ANK3: variants seen among roughly 807,000 people sequenced by gnomAD.
ANK3 encodes ankyrin-3.
Under a neutral mutation model 370.9 loss-of-function variants are expected in ANK3, and 57 were observed. The ratio of observed to expected loss-of-function variants is 0.15; its 90% confidence interval spans 0.12 to 0.19. ANK3 has a LOEUF of 0.19. ANK3 is among the 10% of genes least tolerant of loss of function. The pLI, the probability that ANK3 is intolerant of heterozygous loss-of-function variation, is 1.00. For synonymous variants in ANK3, 1,929 were observed against 1,946.3 expected (o/e 0.99, Z 0.23); for missense variants, 4,439 against 5,302.1 (o/e 0.84, Z 5.06).
At chr10:60,316,208 T>C (rs1265027137) in intron 1 of ANK3, among the ~76,000 whole-genome samples, 3 of 152,178 alleles carry the variant, frequency 2.0e-5, no homozygotes, top group African/African-American at 7.2e-5. Flanking sequence ...AGGCAGGCTC[T>C]GGGGCAGCCT....
chr10:60,275,608 C>G (rs942791244), intron 4 of ANK3, among the ~76,000 whole-genome samples: 3 of 152,106 alleles, frequency 2.0e-5, no homozygotes, highest in African/African-American at 7.2e-5. Flanking sequence ...GAGGCTCAAT[C>G]TGAACCATAA....
At chr10:60,539,918 A>G (rs1381962195) in intron 2 of ANK3, among the ~76,000 whole-genome samples, 1 of 152,020 alleles carries the variant, frequency 6.6e-6, no homozygotes, top group Non-Finnish European at 1.5e-5. Flanking sequence ...AGAAAAAAAC[A>G]AACAACAAAG....
chr10:60,573,349 C>T (rs1018322760), intron 2 of ANK3, among the ~76,000 whole-genome samples: 9 of 152,044 alleles, frequency 5.9e-5, no homozygotes, highest in Non-Finnish European at 7.4e-5. Flanking sequence ...CATTGGTTTC[C>T]TTCCATGAAT....
intron 2 of ANK3, among the ~76,000 whole-genome samples, chr10:60,453,468 T>C (rs906242769): frequency 2.0e-4 from 30 of 152,334 alleles, no homozygotes; most frequent in African/African-American, 7.2e-4. Flanking sequence ...AAAATTAAAA[T>C]GTGTCCCAAA....
At chr10:60,721,322 G>A (rs548801145) in intron 1 of ANK3, among the ~76,000 whole-genome samples, 2 of 152,248 alleles carry the variant, frequency 1.3e-5, no homozygotes, top group South Asian at 4.1e-4. Context: ...GCAGAGAGAA[G>A]ACTTGTATGT....
At chr10:60,557,868 A>G (rs2077245934) in intron 2 of ANK3, among the ~76,000 whole-genome samples, 1 of 152,208 alleles carries the variant, frequency 6.6e-6, no homozygotes, top group African/African-American at 2.4e-5. Context: ...CATTGTTGTT[A>G]TTAAATATAA....
At chr10:60,032,886 A>T (rs75315524) in intron 43 of ANK3, among the ~76,000 whole-genome samples, 11,057 of 152,264 alleles carry the variant, frequency 0.073, 608 homozygotes, top group Non-Finnish European at 0.11. Context: ...ATGTTGCATA[A>T]AAAGCATGAG....
At chr10:60,051,349 A>G (rs2131895839) in intron 42 of ANK3, 1 of 314,664 alleles carries the variant, frequency 3.2e-6, no homozygotes, top group Middle Eastern at 1.6e-3. Context: ...CAAAAAAATT[A>G]CACAAAGCCA....
intron 1 of ANK3, among the ~76,000 whole-genome samples, chr10:60,284,069 T>A (rs2098206369): frequency 6.6e-6 from 1 of 152,050 alleles, no homozygotes; most frequent in African/African-American, 2.4e-5. Flanking sequence ...CACACGGGAT[T>A]AGAATGGGCC....
chr10:60,430,605 A>C (rs187578220), intron 2 of ANK3, among the ~76,000 whole-genome samples: 1 of 152,306 alleles, frequency 6.6e-6, no homozygotes, highest in African/African-American at 2.4e-5. Flanking sequence ...TGTCCCAGGC[A>C]ATCGATGGGT....
chr10:60,226,010 A>G (rs2097133516), intron 8 of ANK3, among the ~76,000 whole-genome samples: 1 of 145,264 alleles, frequency 6.9e-6, no homozygotes, highest in South Asian at 2.1e-4. Flanking sequence ...ATAATGTAAT[A>G]AGATAATTGT....
chr10:60,615,051 C>G, intron 2 of ANK3: 1 of 569,064 alleles, frequency 1.8e-6, no homozygotes, highest in East Asian at 3.4e-5. Context: ...AAAATAACAA[C>G]AACAACAACA....
chr10:60,059,526 T>G, intron 40 of ANK3, 96 bp from the exon 41 acceptor site: 1 of 1,263,610 alleles, frequency 7.9e-7, no homozygotes, highest in Non-Finnish European at 1.2e-6. Context: ...TACTCCTTCT[T>G]CAAGTTGAAT....
intron 1 of ANK3, among the ~76,000 whole-genome samples, chr10:60,307,825 T>C (rs1484686628): frequency 6.6e-6 from 1 of 152,200 alleles, no homozygotes; most frequent in African/African-American, 2.4e-5. Flanking sequence ...ATATCCTCTC[T>C]AGCCACTCTT....
intron 2 of ANK3, among the ~76,000 whole-genome samples, chr10:60,488,218 GT>G (rs1452277935): frequency 1.3e-5 from 2 of 152,110 alleles, no homozygotes; most frequent in African/African-American, 4.8e-5. Flanking sequence ...CAATTAAAAT[GT>G]TTGCCAAAAG....
At chr10:60,304,155 T>A (rs538997321) in intron 1 of ANK3, among the ~76,000 whole-genome samples, 1 of 151,968 alleles carries the variant, frequency 6.6e-6, no homozygotes, top group Admixed American at 6.6e-5. Context: ...TTATGAAAAA[T>A]GAATGAGTTC....
At chr10:60,298,900 A>T (rs1397504856) in intron 1 of ANK3, among the ~76,000 whole-genome samples, 1 of 152,212 alleles carries the variant, frequency 6.6e-6, no homozygotes, top group Non-Finnish European at 1.5e-5. Context: ...GTAATTTATG[A>T]TCATGCATAT....
intron 12 of ANK3, among the ~76,000 whole-genome samples, chr10:60,202,591 T>C (rs2096700815): frequency 6.6e-6 from 1 of 152,208 alleles, no homozygotes; most frequent in Admixed American, 6.5e-5. Flanking sequence ...AGTAGTCATA[T>C]TAATTACATA....
chr10:60,281,821 C>T (rs1434543951), intron 1 of ANK3, among the ~76,000 whole-genome samples: 1 of 152,092 alleles, frequency 6.6e-6, no homozygotes, highest in Non-Finnish European at 1.5e-5. Context: ...TGAGAGCACA[C>T]ACAGCTATTA....
Sources: allele counts gnomAD v4.1 joint callset (sites outside exome capture counted in the v4.1 genomes callset), GRCh38; gene constraint gnomAD v4.1.1; transcripts MANE v1.5; gene names NCBI Gene and HGNC (gene_info 2026-07-23, HGNC 2026-07-21).